Variants in SEMA3A observed in about 807,000 individuals in gnomAD.
The protein encoded by SEMA3A is semaphorin 3A.
A neutral mutation model predicts 97.9 loss-of-function variants in SEMA3A; 29 were observed. That is an observed-to-expected ratio of 0.30 (90% CI 0.22 to 0.40). SEMA3A has a LOEUF of 0.40. Ranked by LOEUF, SEMA3A falls within the 10% of genes least tolerant of loss-of-function variation. The probability of loss-of-function intolerance (pLI) is 1.00; values close to 1 mark genes in which losing one functional copy is unlikely to be tolerated. For missense variants in SEMA3A, 763 were observed against 951.3 expected (o/e 0.80, Z 2.60); for synonymous variants, 321 against 323.7 (o/e 0.99, Z 0.09).
intron 3 of SEMA3A, among the ~76,000 whole-genome samples, chr7:84,277,291 T>C (rs1240186468): frequency 3.3e-5 from 5 of 152,076 alleles, no homozygotes; most frequent in African/African-American, 4.8e-5. Context: ...TATGAAATCA[T>C]GGTTTAATAT....
At chr7:84,222,476 T>TA (rs1798902873) in intron 3 of SEMA3A, among the ~76,000 whole-genome samples, 1 of 151,812 alleles carries the variant, frequency 6.6e-6, no homozygotes, top group South Asian at 2.1e-4. Flanking sequence ...GCAGATAAGA[T>TA]AAAAAAGAAT....
intron 1 of SEMA3A, among the ~76,000 whole-genome samples, chr7:84,427,649 C>CAAAAAA (rs55872394): frequency 6.3e-4 from 46 of 72,942 alleles, no homozygotes; most frequent in African/African-American, 1.0e-3. Context: ...GATTCTGTCT[C>CAAAAAA]AAAAAAAAAA....
In SEMA3A at chr7:84,105,060, C is replaced by T. The variant is rs143449290; in HGVS notation, c.453+5410G>A. ...GAACAGCTGAGTTGCCAATGAATCT[C>T]GACTTTTCTCACTGAGGCTAGCATG... On this transcript the variant is annotated intron_variant, in intron 4 of 16. Transcript: ENST00000265362. Among the ~76,000 whole-genome samples the T allele has an allele frequency of 6.5e-3, 986 of 152,164 alleles. 6 individuals are homozygous for T. The highest frequency in any genetic ancestry group is 0.022 in the African/African-American group (915 of 41,534).
intron 3 of SEMA3A, among the ~76,000 whole-genome samples, chr7:84,242,111 GCT>G (rs1799378206): frequency 6.6e-6 from 1 of 152,090 alleles, no homozygotes; most frequent in African/African-American, 2.4e-5. Context: ...GGCTATACAG[GCT>G]CTTTTTTGGT....
chr7:84,008,742 A>T (rs1055602334), intron 9 of SEMA3A, among the ~76,000 whole-genome samples: 1 of 152,186 alleles, frequency 6.6e-6, no homozygotes, highest in African/African-American at 2.4e-5. Flanking sequence ...TGCAAGTTTC[A>T]TGAGGGAAGA....
At chr7:84,336,575 A>T (rs1191671865) in intron 2 of SEMA3A, among the ~76,000 whole-genome samples, 17 of 152,152 alleles carry the variant, frequency 1.1e-4, no homozygotes, top group Non-Finnish European at 1.5e-5. Flanking sequence ...CACAACCTCC[A>T]TTTTATCTAC....
At chr7:84,218,913 G>A (rs1798811889) in intron 3 of SEMA3A, among the ~76,000 whole-genome samples, 1 of 152,030 alleles carries the variant, frequency 6.6e-6, no homozygotes, top group Admixed American at 6.6e-5. Flanking sequence ...GATCCCAACA[G>A]GAAATTGACG....
intron 1 of SEMA3A, among the ~76,000 whole-genome samples, chr7:84,146,495 GC>G (rs1481482355): frequency 2.6e-5 from 4 of 152,020 alleles, no homozygotes; most frequent in Non-Finnish European, 1.5e-5. Context: ...ATTGATAGTA[GC>G]CTTTTGCACA....
intron 6 of SEMA3A, among the ~76,000 whole-genome samples, chr7:84,034,355 T>G (rs2116471947): frequency 6.6e-6 from 1 of 152,320 alleles, no homozygotes; most frequent in Non-Finnish European, 1.5e-5. Context: ...ATGTAAATAT[T>G]TTGCAAATTG....
At position 83,958,162 on chromosome 7, in the gene SEMA3A, T is replaced by C. The variant is rs1788338802; in HGVS notation, c.*3209A>G. On this transcript the variant is annotated 3_prime_UTR_variant, in exon 17 of 17. Transcript: ENST00000265362. The stretch of plus-strand genomic sequence containing the variant: ...TGACATTAAAAAGAACAATACTTAA[T>C]TTAAAGGGCATAAAAATTCACATCA... 6.6e-6 allele frequency: 1 copy of C among 152,190 alleles called. No homozygotes were observed. Among genetic ancestry groups the C allele is most frequent in the Non-Finnish European group, 1.5e-5 (1 of 67,950 alleles). The allele number at this position is 152,190 out of a possible 1,614,324, so 9.4% of individuals were successfully genotyped here.
chr7:84,268,368 T>C (rs1584187136), intron 3 of SEMA3A, among the ~76,000 whole-genome samples: 1 of 151,476 alleles, frequency 6.6e-6, no homozygotes, highest in Admixed American at 6.6e-5. Context: ...ATGAGGCTAG[T>C]TGTGACACTT....
chr7:84,016,157 T>C (rs919929736), intron 6 of SEMA3A, among the ~76,000 whole-genome samples: 1 of 152,104 alleles, frequency 6.6e-6, no homozygotes, highest in African/African-American at 2.4e-5. Flanking sequence ...ATGTTAGGAA[T>C]TACTGTCACA....
intron 1 of SEMA3A, among the ~76,000 whole-genome samples, chr7:84,473,141 GGTGTGTGTGTGTGTGTGT>G (rs61623414): frequency 3.5e-5 from 5 of 141,442 alleles, no homozygotes; most frequent in Admixed American, 7.1e-5. Context: ...AAAAAGAAAT[GGTGTGTGTGTGTGTGTGT>G]GTGTGTGTGT....
At chr7:84,405,822 C>A in intron 1 of SEMA3A, among the ~76,000 whole-genome samples, 1 of 152,102 alleles carries the variant, frequency 6.6e-6, no homozygotes. Flanking sequence ...AAAATGAAGG[C>A]AGAAATAAAG....
rs578081103 is a variant in SEMA3A, at chr7:84,436,719, T to G, written c.-246+55741A>C. On this transcript the variant is annotated intron_variant, in intron 1 of 3. Transcript: ENST00000424555. ...TTTGTGTTATTTTCTCATAAAACAA[T>G]CTATAAGATCATGTTTTGGTGGTAA... Among the ~76,000 whole-genome samples the G allele has an allele frequency of 2.6e-5, 4 of 152,260 alleles. No individual in the cohort carries two copies. In the South Asian group the frequency reaches 8.3e-4, roughly 32 times the overall value.
chr7:84,221,095 G>T (rs888361589), intron 3 of SEMA3A, among the ~76,000 whole-genome samples: 1 of 152,096 alleles, frequency 6.6e-6, no homozygotes, highest in African/African-American at 2.4e-5. Context: ...ACAACTTGTT[G>T]CAACTTCTGC....
intron 4 of SEMA3A, among the ~76,000 whole-genome samples, chr7:84,110,161 A>T (rs544413695): frequency 6.6e-6 from 1 of 152,162 alleles, no homozygotes; most frequent in Non-Finnish European, 1.5e-5. Flanking sequence ...GGCAATATAC[A>T]AATGAAGGAG....
chr7:84,188,747 C>T (rs1335725119), intron 1 of SEMA3A, among the ~76,000 whole-genome samples: 1 of 151,860 alleles, frequency 6.6e-6, no homozygotes, highest in South Asian at 2.1e-4. Context: ...ATTAATTTCA[C>T]ATATCAAGCC....
chr7:84,371,362 C>T (rs1053413105), intron 2 of SEMA3A, among the ~76,000 whole-genome samples: 3 of 151,654 alleles, frequency 2.0e-5, no homozygotes, highest in Non-Finnish European at 4.4e-5. Context: ...ATCATAATAA[C>T]ATTTAGAATT....
Sources: allele counts gnomAD v4.1 joint callset (sites outside exome capture counted in the v4.1 genomes callset), GRCh38; gene constraint gnomAD v4.1.1; transcripts MANE v1.5; gene names NCBI Gene and HGNC (gene_info 2026-07-23, HGNC 2026-07-21).